The following CELF5 variants were observed in gnomAD, a reference collection of about 807,000 sequenced individuals.
CELF5 encodes the protein CUG-BP and ETR-3 like factor 5.
In CELF5, 6 loss-of-function variants were observed where a neutral mutation model predicts 54.9. That is an observed-to-expected ratio of 0.11 (90% CI 0.06 to 0.22). The LOEUF (loss-of-function observed/expected upper bound fraction) is 0.22, where lower values mean the gene tolerates loss of function less well. CELF5 is among the 10% of genes least tolerant of loss of function. CELF5 has a pLI of 1.00. For missense variants in CELF5, 401 were observed against 678.6 expected (o/e 0.59, Z 4.54); for synonymous variants, 271 against 290.9 (o/e 0.93, Z 0.70).
chr19:3,235,509 G>GA (rs1917503261), intron 1 of CELF5, among the ~76,000 whole-genome samples: 1 of 588 alleles, frequency 1.7e-3, no homozygotes, highest in Non-Finnish European at 3.5e-3. Context: ...TGGGTGGGTG[G>GA]ATGGATGGAT....
chr19:3,282,091 A>G lies in CELF5; in HGVS notation c.751-35A>G, dbSNP rs747418790. 5 of 1,613,128 alleles carry G rather than the reference A, an allele frequency of 3.1e-6. No individual in the cohort carries two copies. The highest frequency in any genetic ancestry group is 3.3e-5 in the Admixed American group (2 of 59,988). ...CTCATAAGCCATGATCTCAGGGCAG[A>G]TATCACCCCAACTGTGACATGTCTT... On this transcript the variant is annotated intron_variant, in intron 6 of 12. Coordinates refer to ENST00000292672, the MANE Select transcript of CELF5 (RefSeq NM_021938.4). The surrounding 1 kb of genome is among the most constrained non-coding windows in gnomAD (Gnocchi z 5.2).
At chr19:3,236,659 C>G (rs1043666024) in intron 1 of CELF5, among the ~76,000 whole-genome samples, 4 of 152,078 alleles carry the variant, frequency 2.6e-5, no homozygotes, top group Non-Finnish European at 5.9e-5. Context: ...TTGAATGACT[C>G]TGAGCTAGGC....
At chr19:3,251,633 T>C (rs949811851) in intron 2 of CELF5, among the ~76,000 whole-genome samples, 6 of 151,386 alleles carry the variant, frequency 4.0e-5, no homozygotes, top group African/African-American at 1.5e-4. Flanking sequence ...GGAGCCACAG[T>C]TCCTTAACAC....
chr19:3,225,074 ATCACCATCCCTCCTCTGC>A (rs1379140581), intron 1 of CELF5, 76 bp downstream of exon 1: 2 of 842,468 alleles, frequency 2.4e-6, no homozygotes, highest in African/African-American at 2.8e-5. Context: ...TCTCTCCCCC[ATCACCATCCCTCCTCTGC>A]TCACCTCCCT....
chr19:3,263,877 G>A (rs1470495590), intron 2 of CELF5, among the ~76,000 whole-genome samples: 1 of 152,022 alleles, frequency 6.6e-6, no homozygotes, highest in African/African-American at 2.4e-5. Flanking sequence ...TGCACTCCAG[G>A]CTGGGCGATA....
At chr19:3,236,568 GAGA>G (rs1432164881) in intron 1 of CELF5, among the ~76,000 whole-genome samples, 1 of 152,174 alleles carries the variant, frequency 6.6e-6, no homozygotes, top group Non-Finnish European at 1.5e-5. Context: ...TGGCTGGGGA[GAGA>G]AGAAGAGGAT....
chr19:3,278,062 G>T lies in CELF5; in HGVS notation c.555G>T (p.Thr185=). The part of the protein sequence containing the change: ...GCAFVKFSSH[T]EAQAAIHALH... ...CTTTCGTGAAGTTCTCCTCCCACAC[G>T]GAGGCGCAGGCGGCCATCCACGCCT... Residue 185 remains threonine, a synonymous_variant, in exon 5 of 13, where the codon ACG becomes ACT. Transcript: ENST00000292672. This position sits in a 1 kb window ranked among gnomAD's most constrained non-coding sequence, Gnocchi z 4.5. The T allele has an allele frequency of 6.2e-7, 1 of 1,613,624 alleles. No individual in the cohort carries two copies.
In CELF5 at chr19:3,282,448, G is replaced by T; in HGVS notation, c.989G>T (p.Gly330Val). The T allele has an allele frequency of 6.2e-7, 1 of 1,613,744 alleles. No homozygotes were observed. Among genetic ancestry groups the T allele is most frequent in the Non-Finnish European group, 8.5e-7 (1 of 1,180,034 alleles). The change falls in exon 8 of 13, where the codon GGG becomes GTG. Residue 330 changes from glycine (G) to valine (V), a missense_variant. This residue lies in a region of CELF5 where 143 missense variants were observed against 147.6 expected (regional missense o/e 0.97). Coordinates refer to ENST00000292672, the MANE Select transcript of CELF5 (RefSeq NM_021938.4). The surrounding 1 kb of genome is among the most constrained non-coding windows in gnomAD (Gnocchi z 5.2). ...GCAGGTGTCGTGCCCTTTCCAGGTGGGCACCCTGCCCTGGAAACCGTCTAT... is the reference window on the plus strand; with the variant it reads ...GCAGGTGTCGTGCCCTTTCCAGGTGTGCACCCTGCCCTGGAAACCGTCTAT... ...GFAGVVPFPGGHPALETVYAN... is the reference protein window; with the variant it reads ...GFAGVVPFPGVHPALETVYAN...
chr19:3,263,139 CA>C (rs1188752494), intron 2 of CELF5, among the ~76,000 whole-genome samples: 1 of 147,400 alleles, frequency 6.8e-6, no homozygotes, highest in Non-Finnish European at 1.5e-5. Context: ...CCTAGCTACT[CA>C]GGAGGCTGAG....
At chr19:3,279,388 G>C (rs1448305302) in intron 5 of CELF5, among the ~76,000 whole-genome samples, 1 of 152,158 alleles carries the variant, frequency 6.6e-6, no homozygotes, top group Non-Finnish European at 1.5e-5. Context: ...CTACAAGGAA[G>C]ATGGGACCTG....
Position 3,290,173 on chromosome 19 carries a change from C to A in CELF5, c.1187-58C>A. On this transcript the variant is annotated intron_variant, in intron 10 of 12. Transcript: ENST00000292672. Reference sequence around the variant, plus strand: ...GGGCTCCAGACCTGTGCCCCTCCCCCGGGGGGGTTCGCCTCCTCTCCTTGG... The same window carrying A: ...GGGCTCCAGACCTGTGCCCCTCCCCAGGGGGGGTTCGCCTCCTCTCCTTGG... The A allele has an allele frequency of 2.0e-6, 3 of 1,488,164 alleles. 1 individual carries two copies. Among genetic ancestry groups the A allele is most frequent in the East Asian group, 4.6e-5 (2 of 43,792 alleles). 92.2% of individuals were successfully genotyped at this position (1,488,164 alleles called of 1,614,324 possible).
chr19:3,249,061 C>G (rs2079611751), intron 1 of CELF5, among the ~76,000 whole-genome samples: 1 of 151,992 alleles, frequency 6.6e-6, no homozygotes, highest in African/African-American at 2.4e-5. Flanking sequence ...CTCCCCACCA[C>G]ACAGCCCAGC....
At chr19:3,271,027 C>T (rs1264629491) in intron 2 of CELF5, among the ~76,000 whole-genome samples, 2 of 143,662 alleles carry the variant, frequency 1.4e-5, no homozygotes, top group Non-Finnish European at 3.1e-5. Flanking sequence ...ATTTAAATAT[C>T]TCTTTTGTGC....
intron 2 of CELF5, among the ~76,000 whole-genome samples, chr19:3,261,397 G>C (rs1003199378): frequency 6.7e-6 from 1 of 149,664 alleles, no homozygotes; most frequent in Non-Finnish European, 1.5e-5. Flanking sequence ...CAGCATGGGC[G>C]ACAGAGCAAG....
chr19:3,292,303 G>GTT (rs55841367), intron 11 of CELF5, among the ~76,000 whole-genome samples: 3 of 141,740 alleles, frequency 2.1e-5, no homozygotes, highest in East Asian at 2.1e-4. Context: ...CCTTGACTTT[G>GTT]TTTTTTTTTT....
chr19:3,272,729 G>T (rs184962768), intron 2 of CELF5, among the ~76,000 whole-genome samples: 26 of 152,340 alleles, frequency 1.7e-4, no homozygotes, highest in African/African-American at 5.8e-4. Flanking sequence ...GAGGGAGGGG[G>T]AGGAAGGAGC....
At chr19:3,253,771 C>G (rs534315029) in intron 2 of CELF5, among the ~76,000 whole-genome samples, 4 of 152,128 alleles carry the variant, frequency 2.6e-5, no homozygotes, top group African/African-American at 9.6e-5. Context: ...TTGCCTAATT[C>G]ATCTAAGTTT....
intron 1 of CELF5, among the ~76,000 whole-genome samples, chr19:3,231,640 A>G (rs927670886): frequency 6.7e-6 from 1 of 148,372 alleles, no homozygotes; most frequent in Non-Finnish European, 1.5e-5. Context: ...AGATGGGTGG[A>G]TGGATGGATG....
intron 1 of CELF5, among the ~76,000 whole-genome samples, chr19:3,230,961 G>A (rs1917225746): frequency 6.6e-6 from 1 of 152,038 alleles, no homozygotes; most frequent in African/African-American, 2.4e-5. Flanking sequence ...AGTACAGCTG[G>A]GCTTCACGCC....
Sources: gnomAD v4.1 joint callset for allele counts (sites outside exome capture counted in the v4.1 genomes callset) on GRCh38, gnomAD v4.1.1 for gene constraint, gnomAD v4.1.1 regional missense constraint, Gnocchi (gnomAD v3.1) non-coding constraint, MANE v1.5 for transcripts, NCBI Gene and HGNC (gene_info 2026-07-23, HGNC 2026-07-21) for gene names.